The following EFHC2 variants were observed in gnomAD, a reference collection of about 807,000 sequenced individuals.
The protein encoded by EFHC2 is EF-hand domain-containing family member C2.
In EFHC2, 18 loss-of-function variants were observed where a neutral mutation model predicts 52.7. That is an observed-to-expected ratio of 0.34 (90% confidence interval 0.24 to 0.51). The LOEUF (loss-of-function observed/expected upper bound fraction) is 0.51. EFHC2 is among the 20% of genes least tolerant of loss of function. The probability of loss-of-function intolerance (pLI) is 0.97; values close to 1 mark genes in which losing one functional copy is unlikely to be tolerated. For missense variants in EFHC2, 513 were observed against 562.5 expected, an observed-to-expected ratio of 0.91 and a Z score of 0.89; for synonymous variants, 203 against 204.1, an observed-to-expected ratio of 0.99 and a Z score of 0.04.
At chrX:44,176,161 G>A (rs2036784792) in intron 13 of EFHC2, 131 bp downstream of exon 13, 2 of 483,259 alleles carry the variant, frequency 4.1e-6, no homozygotes, top group Middle Eastern at 3.7e-4. Flanking sequence ...AATGGAGGCA[G>A]GTCACCAATA....
intron 2 of EFHC2, among the ~76,000 whole-genome samples, chrX:44,283,665 A>G (rs1029419001): frequency 1.2e-5 from 1 of 80,756 alleles, no homozygotes; most frequent in African/African-American, 5.0e-5. Context: ...CTTTGACTCC[A>G]CGGAAGTACC....
rs1180142216 is a variant in EFHC2, at chrX:44,283,674, C to CT, written c.232-10839_232-10838insA. On this transcript the variant is annotated intron_variant, in intron 2 of 14. Coordinates refer to ENST00000420999, the MANE Select transcript of EFHC2 (RefSeq NM_025184.4). ...GAAACACTTTGACTCCACGGAAGTA[C>CT]CTTTTTTTTTTTTTTTTTTTTACAT... Among the ~76,000 whole-genome samples the CT allele has an allele frequency of 3.2e-4, 24 of 75,612 alleles. 1 individual carries two copies. Among genetic ancestry groups the CT allele is most frequent in the African/African-American group, 1.3e-3 (21 of 16,629 alleles). The allele number at this position is 75,612 out of a possible 115,157, so 65.7% of individuals were successfully genotyped here. A position where few individuals can be genotyped will look rare whatever the true frequency, so the allele number is the denominator to read the frequency against.
chrX:44,302,154 C>T (rs1357762571), intron 2 of EFHC2, among the ~76,000 whole-genome samples: 1 of 111,757 alleles, frequency 8.9e-6, no homozygotes, highest in African/African-American at 3.3e-5. Flanking sequence ...GTTCTAGTTT[C>T]TCTACATGAT....
In EFHC2 at chrX:44,224,381, T is replaced by C. The variant is rs746104652; in HGVS notation, c.1751+5268A>G. On this transcript the variant is annotated intron_variant, in intron 11 of 14. Coordinates refer to ENST00000420999, the MANE Select transcript of EFHC2 (RefSeq NM_025184.4). ...ACAACAGCTGTGTCCTATGTATTAC[T>C]ATCCCCATTTTACAGATGAAAAAAT... 7.1e-5 allele frequency among the ~76,000 whole-genome samples: 8 copies of C among 112,102 alleles called. No individual in the cohort carries two copies. The South Asian group carries it at 2.6e-3, about 37-fold the overall frequency.
chrX:44,233,662 C>A (rs753436466), intron 9 of EFHC2, among the ~76,000 whole-genome samples: 105 of 111,696 alleles, frequency 9.4e-4, no homozygotes, highest in African/African-American at 3.3e-3. Flanking sequence ...GCTGGGTGAT[C>A]TTTAGGAGTT....
At chrX:44,258,894 AAAC>A (rs1341393967) in intron 4 of EFHC2, among the ~76,000 whole-genome samples, 1 of 110,261 alleles carries the variant, frequency 9.1e-6, no homozygotes, top group Non-Finnish European at 1.9e-5. Flanking sequence ...AAAAGTCAGG[AAAC>A]AACAGATGCT....
intron 11 of EFHC2, among the ~76,000 whole-genome samples, chrX:44,187,839 G>A (rs2036888500): frequency 9.1e-6 from 1 of 110,153 alleles, no homozygotes; most frequent in Admixed American, 9.7e-5. Context: ...ACTTAAAAAG[G>A]TCTTGACACA....
intron 13 of EFHC2, among the ~76,000 whole-genome samples, chrX:44,165,840 C>T (rs1009589301): frequency 9.0e-6 from 1 of 111,286 alleles, no homozygotes; most frequent in Non-Finnish European, 1.9e-5. Context: ...GAGGGCTCTG[C>T]CCTCATGATG....
At chrX:44,187,704 C>T (rs1480965047) in intron 11 of EFHC2, among the ~76,000 whole-genome samples, 5 of 111,028 alleles carry the variant, frequency 4.5e-5, no homozygotes, top group South Asian at 3.9e-4. Context: ...GCAGGAGAAT[C>T]GCTTGAGTCC....
chrX:44,204,646 G>A (rs564641736), intron 11 of EFHC2, among the ~76,000 whole-genome samples: 1 of 111,851 alleles, frequency 8.9e-6, no homozygotes, highest in Admixed American at 9.5e-5. Context: ...AGAGGTCAAA[G>A]ACTGGTCTTC....
At chrX:44,337,342 A>T (rs183392606) in intron 1 of EFHC2, among the ~76,000 whole-genome samples, 247 of 111,428 alleles carry the variant, frequency 2.2e-3, no homozygotes, top group African/African-American at 7.7e-3. Context: ...CATATACCAT[A>T]TATCATTCCT....
intron 11 of EFHC2, among the ~76,000 whole-genome samples, chrX:44,215,047 G>A (rs1200143297): frequency 9.0e-6 from 1 of 111,237 alleles, no homozygotes; most frequent in Non-Finnish European, 1.9e-5. Context: ...ATGATAGTGA[G>A]TTCTCAAGAG....
At chrX:44,231,129 T>C (rs2147321377) in intron 10 of EFHC2, among the ~76,000 whole-genome samples, 1 of 111,869 alleles carries the variant, frequency 8.9e-6, no homozygotes, top group African/African-American at 3.2e-5. Flanking sequence ...AGACTACAAA[T>C]GGAGAGATGG....
At chrX:44,239,710 A>G (rs2037346104) in intron 8 of EFHC2, among the ~76,000 whole-genome samples, 1 of 112,276 alleles carries the variant, frequency 8.9e-6, no homozygotes, top group Non-Finnish European at 1.9e-5. Flanking sequence ...TAAGTATTGT[A>G]ACATAGCACA....
chrX:44,248,199 A>G, intron 7 of EFHC2, 73 bp downstream of exon 7: 1 of 952,443 alleles, frequency 1.0e-6, no homozygotes, highest in South Asian at 2.7e-5. Context: ...TTGAAACTCC[A>G]AAGTAAAATC....
chrX:44,204,917 T>C (rs1450816038), intron 11 of EFHC2, among the ~76,000 whole-genome samples: 5 of 111,493 alleles, frequency 4.5e-5, no homozygotes, highest in Non-Finnish European at 7.5e-5. Flanking sequence ...ACCACTCCCA[T>C]GGCAAATAGT....
intron 11 of EFHC2, among the ~76,000 whole-genome samples, chrX:44,202,344 G>A (rs1054742246): frequency 5.4e-5 from 6 of 111,109 alleles, no homozygotes; most frequent in East Asian, 5.6e-4. Context: ...CCCGGGTGGC[G>A]GAGGCTGTAG....
chrX:44,157,134 A>G (rs1013553153), intron 14 of EFHC2, among the ~76,000 whole-genome samples: 1 of 112,362 alleles, frequency 8.9e-6, no homozygotes, highest in African/African-American at 3.2e-5. Context: ...AATCAAAGCT[A>G]GACTAGCTAT....
intron 4 of EFHC2, among the ~76,000 whole-genome samples, chrX:44,251,340 G>A (rs181596684): frequency 1.1e-3 from 116 of 104,220 alleles, no homozygotes; most frequent in African/African-American, 3.4e-3. Flanking sequence ...CTGGCCAGGC[G>A]GGGTGGCTCA....
Sources: gnomAD v4.1 joint callset for allele counts (sites outside exome capture counted in the v4.1 genomes callset) on GRCh38, gnomAD v4.1.1 for gene constraint, MANE v1.5 for transcripts, NCBI Gene and HGNC (gene_info 2026-07-23, HGNC 2026-07-21) for gene names.